PLCB1: variants seen among roughly 807,000 people sequenced by gnomAD.
PLCB1 encodes the protein phospholipase C beta 1.
In PLCB1, 46 loss-of-function variants were observed where a neutral mutation model predicts 161.8. The ratio of observed to expected loss-of-function variants is 0.28; its 90% CI spans 0.22 to 0.36. The LOEUF (loss-of-function observed/expected upper bound fraction) is 0.36, where lower values mean the gene tolerates loss of function less well. Ranked by LOEUF, PLCB1 falls within the 10% of genes least tolerant of loss-of-function variation. The pLI, the probability that PLCB1 is intolerant of heterozygous loss-of-function variation, is 1.00. For synonymous variants in PLCB1, 517 were observed against 503.7 expected (o/e 1.03, Z -0.35); for missense variants, 1,016 against 1,472.5 (o/e 0.69, Z 5.07).
intron 7 of PLCB1, 114 bp from the exon 8 acceptor site, chr20:8,657,070 G>T (rs558302111): frequency 1.5e-6 from 1 of 676,134 alleles, no homozygotes; most frequent in Non-Finnish European, 2.7e-6. Flanking sequence ...GGGAGAAGGT[G>T]AGGGAAGGGG....
At chr20:8,238,503 C>G (rs1321722050) in intron 2 of PLCB1, among the ~76,000 whole-genome samples, 1 of 151,852 alleles carries the variant, frequency 6.6e-6, no homozygotes, top group Non-Finnish European at 1.5e-5. Context: ...CTGTTTCCAT[C>G]TCTCTATCAT....
chr20:8,523,494 C>CTATATATA (rs1419507917), intron 3 of PLCB1, among the ~76,000 whole-genome samples: 3 of 49,582 alleles, frequency 6.1e-5, no homozygotes, highest in Admixed American at 2.2e-4. Flanking sequence ...CTCTCTCTCT[C>CTATATATA]TCTATATATA....
At chr20:8,452,941 G>A (rs227129) in intron 3 of PLCB1, among the ~76,000 whole-genome samples, 42,033 of 152,036 alleles carry the variant, frequency 0.28, 6,030 homozygotes, top group Non-Finnish European at 0.3. Context: ...ATGTCCCTGA[G>A]TACACCAGCT....
At chr20:8,467,882 C>G (rs58109746) in intron 3 of PLCB1, among the ~76,000 whole-genome samples, 6,180 of 152,230 alleles carry the variant, frequency 0.041, 301 homozygotes, top group African/African-American at 0.12. Context: ...CAGCCAGGCT[C>G]TGCTGTCTGC....
At chr20:8,830,120 C>T (rs910495291) in intron 31 of PLCB1, among the ~76,000 whole-genome samples, 1 of 152,130 alleles carries the variant, frequency 6.6e-6, no homozygotes, top group Middle Eastern at 3.2e-3. Flanking sequence ...GGATGTGAAT[C>T]TTAAGTCAAT....
At chr20:8,756,745 G>A (rs949320993) in intron 23 of PLCB1, among the ~76,000 whole-genome samples, 6 of 152,142 alleles carry the variant, frequency 3.9e-5, no homozygotes, top group African/African-American at 1.4e-4. Flanking sequence ...TATCAAGTTT[G>A]CTATTCTCTG....
intron 3 of PLCB1, among the ~76,000 whole-genome samples, chr20:8,450,598 T>G (rs566276325): frequency 6.6e-6 from 1 of 152,268 alleles, no homozygotes; most frequent in South Asian, 2.1e-4. Flanking sequence ...GTAGCTTTGA[T>G]CAGTGCTTCA....
Position 8,740,461 on chromosome 20 carries a change from ACT to A in PLCB1, c.2413+15_2413+16del. Reference sequence around the variant, plus strand: ...GACACATATGCAGGTAAACAACTTAACTCAAATACCACTTTACTCAAAGGGGT... The same window carrying A: ...GACACATATGCAGGTAAACAACTTAACAAATACCACTTTACTCAAAGGGGT... On this transcript the variant is annotated intron_variant, in intron 22 of 31. Coordinates refer to ENST00000338037, the MANE Select transcript of PLCB1 (RefSeq NM_015192.4). 1 of 1,411,494 alleles carries A rather than the reference ACT, an allele frequency of 7.1e-7. No homozygotes were observed. Among genetic ancestry groups the A allele is most frequent in the Non-Finnish European group, 9.8e-7 (1 of 1,024,094 alleles). The allele number at this position is 1,411,494 out of a possible 1,614,324, so 87.4% of individuals were successfully genotyped here.
rs555672118 is a variant in PLCB1 at position 8,172,383 on chromosome 20, C to T, written c.177+22012C>T. 3.6e-4 allele frequency among the ~76,000 whole-genome samples: 55 copies of T among 152,164 alleles called. 1 individual carries two copies. The highest frequency in any genetic ancestry group is 1.3e-3 in the African/African-American group (54 of 41,508). On this transcript the variant is annotated intron_variant, in intron 2 of 31. Coordinates refer to ENST00000338037, the MANE Select transcript of PLCB1 (RefSeq NM_015192.4). Reference sequence around the variant, plus strand: ...GGTTGGTTATCTGGAGGAAGAATGTCCTAAGCAAAAGAATTGGTAAATGTG... The same window carrying T: ...GGTTGGTTATCTGGAGGAAGAATGTTCTAAGCAAAAGAATTGGTAAATGTG...
In PLCB1 at chr20:8,150,193, A is replaced by G. The variant is rs1476536503; in HGVS notation, c.100-101A>G. The stretch of plus-strand genomic sequence containing the variant: ...TTGAAATTTTTCTTAATAATTGACT[A>G]CTTTGGAGAATCTGTACAATTATTA... On this transcript the variant is annotated intron_variant, in intron 1 of 31. Coordinates refer to ENST00000338037, the MANE Select transcript of PLCB1 (RefSeq NM_015192.4). 2.0e-5 allele frequency: 10 copies of G among 490,906 alleles called. No individual in the cohort carries two copies. In the East Asian group the frequency reaches 3.3e-4, roughly 16 times the overall value. 30.4% of individuals were successfully genotyped at this position (490,906 alleles called of 1,614,324 possible).
At chr20:8,797,907 T>G (rs1353199067) in intron 31 of PLCB1, among the ~76,000 whole-genome samples, 3 of 152,200 alleles carry the variant, frequency 2.0e-5, no homozygotes, top group African/African-American at 4.8e-5. Flanking sequence ...AAAGATAGTT[T>G]TAATGGCCAG....
At chr20:8,662,314 TATA>T (rs1989685195) in intron 9 of PLCB1, among the ~76,000 whole-genome samples, 1 of 118,832 alleles carries the variant, frequency 8.4e-6, no homozygotes, top group Non-Finnish European at 1.6e-5. Context: ...TATAATTATG[TATA>T]ATATGTAATT....
In PLCB1 at chr20:8,801,929, A is replaced by C. The variant is rs538256648; in HGVS notation, c.3423+11668A>C. 3.8e-4 allele frequency: 261 copies of C among 693,344 alleles called. 1 individual carries two copies. The highest frequency in any genetic ancestry group is 6.8e-4 in the Admixed American group (29 of 42,626). 42.9% of individuals were successfully genotyped at this position (693,344 alleles called of 1,614,324 possible). A position where few individuals can be genotyped will look rare whatever the true frequency, so the allele number is the denominator to read the frequency against. ...TGTTGGAGCAGATAAAGGCAAACAG[A>C]GGAGTTAAAACTGTACTCTAGAAGG... On this transcript the variant is annotated intron_variant, in intron 31 of 31. Coordinates refer to ENST00000338037, the MANE Select transcript of PLCB1 (RefSeq NM_015192.4).
intron 2 of PLCB1, among the ~76,000 whole-genome samples, chr20:8,195,586 G>C (rs1348174978): frequency 6.6e-6 from 1 of 152,038 alleles, no homozygotes; most frequent in Admixed American, 6.6e-5. Flanking sequence ...GTACAATACT[G>C]TTAAGTAAAC....
chr20:8,234,648 G>A (rs1568600054), intron 2 of PLCB1, among the ~76,000 whole-genome samples: 1 of 152,052 alleles, frequency 6.6e-6, no homozygotes, highest in Non-Finnish European at 1.5e-5. Flanking sequence ...TAGTGAACAT[G>A]AAATTCTGTG....
At position 8,740,383 on chromosome 20, in the gene PLCB1, C is replaced by T. The variant is rs770050149; in HGVS notation, c.2348C>T (p.Pro783Leu). The T allele has an allele frequency of 1.9e-5, 30 of 1,609,030 alleles. No individual in the cohort carries two copies. The highest frequency in any genetic ancestry group is 1.7e-5 in the Admixed American group (1 of 58,700). The change falls in exon 22 of 32, where the codon CCT becomes CTT. Residue 783 changes from proline (P) to leucine (L), a missense_variant. Coordinates refer to ENST00000338037, the MANE Select transcript of PLCB1 (RefSeq NM_015192.4). Reference protein sequence around the residue: ...YICLRNERNQPLTLPAVFVYI... With the variant: ...YICLRNERNQLLTLPAVFVYI... The stretch of plus-strand genomic sequence containing the variant: ...TGTCTAAGGAATGAAAGGAACCAGC[C>T]TCTGACGCTGCCTGCTGTCTTTGTC...
In PLCB1 at chr20:8,788,466, G is replaced by T. The variant is rs141102170; in HGVS notation, c.3129G>T (p.Thr1043=). The change falls in exon 28 of 32, where the codon ACG becomes ACT. Residue 1043 remains threonine, a synonymous_variant. Coordinates refer to ENST00000338037, the MANE Select transcript of PLCB1 (RefSeq NM_015192.4). ...TTTTCCAGCTTATTCAAAAGTTGAC[G>T]GATGTCGCAGAAGAGTGTCAGAACA... is the stretch of plus-strand genomic sequence containing the variant. The part of the protein sequence containing the change: ...EHIKLLIQKL[T]DVAEECQNNQ... 5.6e-4 allele frequency: 899 copies of T among 1,613,394 alleles called. 13 individuals carry two copies. The South Asian group carries it at 9.2e-3, about 16-fold the overall frequency.
intron 3 of PLCB1, among the ~76,000 whole-genome samples, chr20:8,502,565 T>C (rs73896900): frequency 0.03 from 4,642 of 152,284 alleles, 239 homozygotes; most frequent in African/African-American, 0.11. Context: ...CGAACATTTC[T>C]ATGTTCTAGT....
At chr20:8,579,291 T>C (rs981808605) in intron 3 of PLCB1, among the ~76,000 whole-genome samples, 25 of 152,234 alleles carry the variant, frequency 1.6e-4, no homozygotes, top group African/African-American at 5.8e-4. Context: ...AGGCCCAGGC[T>C]ATCCGGCCAG....
Sources: gnomAD v4.1 joint callset for allele counts (sites outside exome capture counted in the v4.1 genomes callset) on GRCh38, gnomAD v4.1.1 for gene constraint, MANE v1.5 for transcripts, NCBI Gene and HGNC (gene_info 2026-07-23, HGNC 2026-07-21) for gene names.